BRINP2: variants seen among roughly 807,000 people sequenced by gnomAD.
BRINP2 encodes the protein BMP/retinoic acid-inducible neural-specific protein 2.
A neutral mutation model predicts 69.2 loss-of-function variants in BRINP2; 21 were observed. The observed-to-expected ratio is 0.30, with a 90% CI of 0.22 to 0.44. The LOEUF (loss-of-function observed/expected upper bound fraction) is 0.44, where lower values mean the gene tolerates loss of function less well. Among genes scored for constraint, BRINP2 ranks in the 20% least tolerant of loss-of-function variants. The probability of loss-of-function intolerance (pLI) is 1.00; values close to 1 mark genes in which losing one functional copy is unlikely to be tolerated. For missense variants in BRINP2, 877 were observed against 986.0 expected (o/e 0.89, Z 1.48); for synonymous variants, 380 against 394.1 (o/e 0.96, Z 0.42).
chr1:177,240,087 C>G (rs1442140973), intron 2 of BRINP2, among the ~76,000 whole-genome samples: 2 of 152,168 alleles, frequency 1.3e-5, no homozygotes, highest in African/African-American at 4.8e-5. Context: ...TCACCAAGTT[C>G]TTTGTTATGA....
At chr1:177,238,291 G>T (rs546303559) in intron 2 of BRINP2, among the ~76,000 whole-genome samples, 2 of 152,382 alleles carry the variant, frequency 1.3e-5, no homozygotes, top group Non-Finnish European at 2.9e-5. Context: ...CAGTGAGTCT[G>T]CTCACAAGGA....
intron 2 of BRINP2, 30 bp from the exon 3 acceptor site, chr1:177,255,889 C>T (rs1221648509): frequency 6.2e-7 from 1 of 1,606,872 alleles, no homozygotes; most frequent in Admixed American, 1.7e-5. Flanking sequence ...ACGAGGTCAG[C>T]TTTTCCTTAT....
intron 5 of BRINP2, among the ~76,000 whole-genome samples, chr1:177,274,477 T>G (rs117067389): frequency 1.3e-5 from 2 of 152,308 alleles, no homozygotes; most frequent in East Asian, 3.9e-4. Context: ...TTAAGAAATA[T>G]ATAAGAAAGA....
At chr1:177,248,163 G>A (rs139252519) in intron 2 of BRINP2, among the ~76,000 whole-genome samples, 19 of 152,324 alleles carry the variant, frequency 1.2e-4, no homozygotes, top group Non-Finnish European at 1.9e-4. Context: ...GTAGGCTACA[G>A]TATTCATTAC....
intron 1 of BRINP2, among the ~76,000 whole-genome samples, chr1:177,209,359 G>A (rs187644441): frequency 7.9e-4 from 121 of 152,284 alleles, no homozygotes; most frequent in African/African-American, 2.7e-3. Flanking sequence ...TGCAGCCTTT[G>A]GGCAGCTCAT....
intron 1 of BRINP2, among the ~76,000 whole-genome samples, chr1:177,188,487 G>A (rs1219721501): frequency 6.6e-6 from 1 of 152,176 alleles, no homozygotes; most frequent in Admixed American, 6.5e-5. Flanking sequence ...CTGGAGAAGG[G>A]TTGAAGGATT....
chr1:177,238,670 C>T (rs1650107577), intron 2 of BRINP2, among the ~76,000 whole-genome samples: 1 of 152,188 alleles, frequency 6.6e-6, no homozygotes, highest in Non-Finnish European at 1.5e-5. Flanking sequence ...TCTCGCCAAT[C>T]TCCCCAATTC....
chr1:177,230,078 G>A lies in BRINP2; in HGVS notation c.202G>A (p.Ala68Thr), dbSNP rs751983601. Residue 68 changes from alanine to threonine, a missense_variant, in exon 2 of 8, where the codon GCT (alanine) becomes ACT (threonine). Ala to Thr is a moderately conservative substitution (Grantham distance 58). This residue lies in a region of BRINP2 where 566 missense variants were observed against 625.2 expected (regional missense o/e 0.91). Transcript: ENST00000361539. The stretch of plus-strand genomic sequence containing the variant: ...CACAGACCGGGGCCCCTTCCACCGC[G>A]CTCAGGAGTATGCTGACTTCATGGA... ...LLTDRGPFHRAQEYADFMERY... is the reference protein window; with the variant it reads ...LLTDRGPFHRTQEYADFMERY... The A allele has an allele frequency of 3.7e-6, 6 of 1,613,660 alleles. No individual in the cohort carries two copies. In the South Asian group the frequency reaches 4.4e-5, roughly 12 times the overall value.
intron 1 of BRINP2, among the ~76,000 whole-genome samples, chr1:177,180,410 C>A (rs1476266509): frequency 6.6e-6 from 1 of 152,090 alleles, no homozygotes; most frequent in Non-Finnish European, 1.5e-5. Context: ...AGCCTCAGTA[C>A]CCCCACCTAG....
intron 1 of BRINP2, among the ~76,000 whole-genome samples, chr1:177,173,995 A>G (rs1031574799): frequency 3.3e-5 from 5 of 152,230 alleles, no homozygotes; most frequent in African/African-American, 1.2e-4. Context: ...TATACATTTT[A>G]TAATGGCATC....
Position 177,261,046 on chromosome 1 carries a change from C to T in BRINP2, c.669+3662C>T, listed in dbSNP as rs78268102. 4.1e-3 allele frequency among the ~76,000 whole-genome samples: 629 copies of T among 151,928 alleles called. 3 individuals are homozygous for T. Among genetic ancestry groups the T allele is most frequent in the African/African-American group, 0.015 (605 of 41,438 alleles). ...CCAAGGAATGCCACTTAAGCAGAGA[C>T]CTGAATGAAGTGAGGGAGTAAGCCC... On this transcript the variant is annotated intron_variant, in intron 4 of 7. Coordinates refer to ENST00000361539, the MANE Select transcript of BRINP2 (RefSeq NM_021165.4).
intron 2 of BRINP2, 77 bp from the exon 3 acceptor site, chr1:177,255,842 C>A: frequency 7.0e-7 from 1 of 1,432,036 alleles, no homozygotes; most frequent in South Asian, 1.3e-5. Context: ...GGAGGAAGAA[C>A]ATTACCTACT....
chr1:177,194,068 C>G (rs916772189), intron 1 of BRINP2, among the ~76,000 whole-genome samples: 1 of 152,162 alleles, frequency 6.6e-6, no homozygotes, highest in African/African-American at 2.4e-5. Flanking sequence ...TAGCCCTAAA[C>G]AGACACTGAC....
At chr1:177,180,047 T>C (rs1308526282) in intron 1 of BRINP2, among the ~76,000 whole-genome samples, 1 of 152,222 alleles carries the variant, frequency 6.6e-6, no homozygotes, top group Admixed American at 6.5e-5. Context: ...GGCGAGCAGA[T>C]GAAATGGGTG....
intron 1 of BRINP2, among the ~76,000 whole-genome samples, chr1:177,181,794 G>C (rs1648257773): frequency 6.6e-6 from 1 of 152,152 alleles, no homozygotes; most frequent in Non-Finnish European, 1.5e-5. Context: ...TTTCGGATTT[G>C]AGCCGCGAGG....
At chr1:177,232,921 A>C (rs1427154589) in intron 2 of BRINP2, among the ~76,000 whole-genome samples, 2 of 152,186 alleles carry the variant, frequency 1.3e-5, no homozygotes, top group African/African-American at 2.4e-5. Context: ...TGTGTCTTCC[A>C]TTTATAAGCG....
At chr1:177,198,377 T>C (rs1648807101) in intron 1 of BRINP2, among the ~76,000 whole-genome samples, 1 of 152,236 alleles carries the variant, frequency 6.6e-6, no homozygotes, top group Admixed American at 6.5e-5. Context: ...GTTTCACTTA[T>C]TGCAATGAGC....
At chr1:177,187,783 A>C (rs2102294281) in intron 1 of BRINP2, among the ~76,000 whole-genome samples, 1 of 152,334 alleles carries the variant, frequency 6.6e-6, no homozygotes, top group South Asian at 2.1e-4. Flanking sequence ...CCATGGATTT[A>C]TCATTTGTTG....
chr1:177,188,352 A>G (rs1648491967), intron 1 of BRINP2, among the ~76,000 whole-genome samples: 1 of 152,208 alleles, frequency 6.6e-6, no homozygotes, highest in Non-Finnish European at 1.5e-5. Context: ...TGTGAAGCCT[A>G]TGTTTTAGTT....
Sources: gnomAD v4.1 joint callset for allele counts (sites outside exome capture counted in the v4.1 genomes callset) on GRCh38, gnomAD v4.1.1 for gene constraint, gnomAD v4.1.1 regional missense constraint, MANE v1.5 for transcripts, NCBI Gene and HGNC (gene_info 2026-07-23, HGNC 2026-07-21) for gene names.